Variants in DIAPH2 observed in about 807,000 individuals in gnomAD.
DIAPH2 encodes the protein protein diaphanous homolog 2.
In DIAPH2, 35 loss-of-function variants were observed where a neutral mutation model predicts 92.7. The ratio of observed to expected loss-of-function variants is 0.38; its 90% CI spans 0.29 to 0.50. The LOEUF (loss-of-function observed/expected upper bound fraction) is 0.50, where lower values mean the gene tolerates loss of function less well. Among genes scored for constraint, DIAPH2 ranks in the 20% least tolerant of loss-of-function variants. DIAPH2 has a pLI of 0.94. For synonymous variants in DIAPH2, 301 were observed against 280.4 expected (o/e 1.07, Z -0.73); for missense variants, 701 against 819.5 (o/e 0.86, Z 1.77).
chrX:97,126,301 C>G (rs1420749914), intron 21 of DIAPH2, among the ~76,000 whole-genome samples: 1 of 111,813 alleles, frequency 8.9e-6, no homozygotes, highest in Non-Finnish European at 1.9e-5. Flanking sequence ...TAAATGAAGC[C>G]TTCCTAGTGA....
In DIAPH2 at chrX:97,180,881, A is replaced by G. The variant is rs757834602; in HGVS notation, c.2719+39087A>G. The stretch of plus-strand genomic sequence containing the variant: ...TGGTGTATATGTCTGCTTTGGTACC[A>G]GTACCATGCTGTTTTGGTTACTGTA... On this transcript the variant is annotated intron_variant, in intron 22 of 26. Transcript: ENST00000324765. Among the ~76,000 whole-genome samples the G allele has an allele frequency of 1.5e-3, 172 of 111,566 alleles. 1 individual carries two copies. The highest frequency in any genetic ancestry group is 2.1e-3 in the Non-Finnish European group (113 of 53,165).
rs763781923 is a variant in DIAPH2, at chrX:97,187,281, C to CTTTTTTTTTTTTTTTTTTTTTT, written c.2719+45489_2719+45510dup. 2.4e-4 allele frequency among the ~76,000 whole-genome samples: 9 copies of CTTTTTTTTTTTTTTTTTTTTTT among 36,889 alleles called. 2 individuals are homozygous for CTTTTTTTTTTTTTTTTTTTTTT. The highest frequency in any genetic ancestry group is 1.2e-3 in the Admixed American group (2 of 1,682). 32.0% of individuals were successfully genotyped at this position (36,889 alleles called of 115,157 possible). A position where few individuals can be genotyped will look rare whatever the true frequency, so the allele number is the denominator to read the frequency against. On this transcript the variant is annotated intron_variant, in intron 22 of 26. Coordinates refer to ENST00000324765, the MANE Select transcript of DIAPH2 (RefSeq NM_006729.5). The stretch of plus-strand genomic sequence containing the variant: ...AGGGATTGAAGACTAATTAAGTAGC[C>CTTTTTTTTTTTTTTTTTTTTTT]TTTTTTTTTTTTTTTTTTTTTTTGC...
Position 97,351,888 on chromosome X carries a change from A to G in DIAPH2, c.3009+3608A>G, listed in dbSNP as rs186600598. ...TTTGACAAGCAGGTTTGAGGTTTTT[A>G]TACCTGACCTTTAAGTCGAAGACTC... On this transcript the variant is annotated intron_variant, in intron 24 of 26. Coordinates refer to ENST00000324765, the MANE Select transcript of DIAPH2 (RefSeq NM_006729.5). 4.8e-3 allele frequency among the ~76,000 whole-genome samples: 530 copies of G among 111,233 alleles called. 24 individuals are homozygous for G. The highest frequency in any genetic ancestry group is 8.4e-3 in the Non-Finnish European group (444 of 52,636).
chrX:96,882,306 TC>T (rs1242718869), intron 5 of DIAPH2, among the ~76,000 whole-genome samples: 1 of 110,983 alleles, frequency 9.0e-6, no homozygotes, highest in African/African-American at 3.3e-5. Context: ...GCCTTGGTCT[TC>T]TAAAGTGCTG....
chrX:97,425,168 TCTTGTA>T (rs1344987548), intron 25 of DIAPH2, among the ~76,000 whole-genome samples: 1 of 111,651 alleles, frequency 9.0e-6, no homozygotes, highest in Non-Finnish European at 1.9e-5. Context: ...GTCCTCACCT[TCTTGTA>T]CTTATATATC....
chrX:96,912,558 T>C lies in DIAPH2; in HGVS notation c.732+6T>C. The C allele has an allele frequency of 8.6e-7, 1 of 1,167,816 alleles. No individual in the cohort carries two copies. The highest frequency in any genetic ancestry group is 1.1e-6 in the Non-Finnish European group (1 of 875,045). On this transcript the variant is annotated splice_donor_region_variant and intron_variant, in intron 7 of 26. Coordinates refer to ENST00000324765, the MANE Select transcript of DIAPH2 (RefSeq NM_006729.5). ...AAGCATTTATGAATAATAAGGTAAG[T>C]AGTATTTATTTCTGCCCCTGTCACA...
chrX:96,789,519 T>C (rs2064483883), intron 4 of DIAPH2, among the ~76,000 whole-genome samples: 1 of 112,112 alleles, frequency 8.9e-6, no homozygotes, highest in Non-Finnish European at 1.9e-5. Context: ...CTATGTCCAC[T>C]TTTCTGCATA....
chrX:97,508,463 T>A (rs938475633), intron 26 of DIAPH2, among the ~76,000 whole-genome samples: 3 of 112,548 alleles, frequency 2.7e-5, no homozygotes, highest in African/African-American at 9.7e-5. Context: ...TCAAGACTAA[T>A]GAGATTACAC....
intron 22 of DIAPH2, among the ~76,000 whole-genome samples, chrX:97,199,697 C>T (rs1377702300): frequency 9.0e-6 from 1 of 111,166 alleles, no homozygotes; most frequent in East Asian, 2.8e-4. Flanking sequence ...GGGAAACTTC[C>T]TGAAACCTTG....
chrX:97,184,009 T>G (rs1051593546), intron 22 of DIAPH2, among the ~76,000 whole-genome samples: 1 of 112,206 alleles, frequency 8.9e-6, no homozygotes, highest in African/African-American at 3.2e-5. Context: ...AACTTCCCAT[T>G]TTTTGAGATT....
chrX:97,540,490 A>G (rs895262104), intron 26 of DIAPH2, among the ~76,000 whole-genome samples: 2 of 112,316 alleles, frequency 1.8e-5, no homozygotes, highest in Non-Finnish European at 3.8e-5. Context: ...TTGATTTGCA[A>G]ACTTTGCAGT....
chrX:96,688,135 C>G (rs1419714509), intron 1 of DIAPH2, among the ~76,000 whole-genome samples: 1 of 111,764 alleles, frequency 8.9e-6, no homozygotes, highest in Non-Finnish European at 1.9e-5. Flanking sequence ...AATGTTGATG[C>G]AGAACACCGC....
intron 17 of DIAPH2, among the ~76,000 whole-genome samples, chrX:96,980,103 G>A (rs368970219): frequency 8.1e-5 from 9 of 111,665 alleles, no homozygotes; most frequent in African/African-American, 2.9e-4. Context: ...TGGCTTAAGT[G>A]TTTAACAGCT....
intron 17 of DIAPH2, among the ~76,000 whole-genome samples, chrX:96,978,118 C>T (rs1244977925): frequency 8.9e-6 from 1 of 111,800 alleles, no homozygotes; most frequent in Non-Finnish European, 1.9e-5. Context: ...AAACTAGTTC[C>T]AGAGTATATC....
chrX:96,787,137 C>T (rs2064462489), intron 4 of DIAPH2, among the ~76,000 whole-genome samples: 1 of 111,357 alleles, frequency 9.0e-6, no homozygotes, highest in African/African-American at 3.3e-5. Flanking sequence ...GTAGCAGTAC[C>T]AATCTTTTAG....
chrX:97,583,177 C>T (rs760516096), intron 26 of DIAPH2, among the ~76,000 whole-genome samples: 4 of 112,262 alleles, frequency 3.6e-5, no homozygotes, highest in East Asian at 2.8e-4. Flanking sequence ...CTCAGCTCGT[C>T]GAAGTCATTC....
chrX:97,400,570 G>A (rs938655189), intron 25 of DIAPH2, among the ~76,000 whole-genome samples: 25 of 110,925 alleles, frequency 2.3e-4, no homozygotes, highest in South Asian at 3.8e-4. Context: ...ATTTTTTAGG[G>A]TACAATACAG....
intron 22 of DIAPH2, among the ~76,000 whole-genome samples, chrX:97,207,961 G>A (rs1320699881): frequency 1.8e-5 from 2 of 111,138 alleles, no homozygotes; most frequent in Non-Finnish European, 3.8e-5. Context: ...AGACCAGCCT[G>A]GCCAACATGG....
chrX:97,353,225 C>G (rs953374388), intron 24 of DIAPH2, among the ~76,000 whole-genome samples: 4 of 110,840 alleles, frequency 3.6e-5, no homozygotes, highest in African/African-American at 9.8e-5. Context: ...TTCAGTCATT[C>G]TTTTAGTTCA....
Sources: gnomAD v4.1 joint callset for allele counts (sites outside exome capture counted in the v4.1 genomes callset) on GRCh38, gnomAD v4.1.1 for gene constraint, MANE v1.5 for transcripts, NCBI Gene and HGNC (gene_info 2026-07-23, HGNC 2026-07-21) for gene names.